TMCO5A: variants seen among roughly 807,000 people sequenced by gnomAD.
The protein encoded by TMCO5A is transmembrane and coiled-coil domains 5A.
In TMCO5A, 34 loss-of-function variants were observed where a neutral mutation model predicts 42.3. That is an observed-to-expected ratio of 0.80 (90% confidence interval 0.61 to 1.07). TMCO5A has a LOEUF of 1.07. TMCO5A is among the 50% of genes least tolerant of loss of function. The pLI, the probability that TMCO5A is intolerant of heterozygous loss-of-function variation, is 0.00. For synonymous variants in TMCO5A, 131 were observed against 115.6 expected, an observed-to-expected ratio of 1.13 and a Z score of -0.86; for missense variants, 357 against 327.9, an observed-to-expected ratio of 1.09 and a Z score of -0.69.
intron 11 of TMCO5A, among the ~76,000 whole-genome samples, chr15:37,963,796 T>C (rs111231523): frequency 5.3e-4 from 80 of 152,324 alleles, no homozygotes; most frequent in African/African-American, 1.9e-3. Context: ...CCTTTCGCCA[T>C]TATACAATGT....
the TMCO5A span, among the ~76,000 whole-genome samples, chr15:37,992,850 A>C: frequency 6.6e-6 from 1 of 152,118 alleles, no homozygotes; most frequent in African/African-American, 2.4e-5. Context: ...ACTACCTGAG[A>C]GTAGAGGATG....
In TMCO5A at chr15:37,938,212, G is replaced by A. The variant is rs1288181325; in HGVS notation, c.370G>A (p.Ala124Thr). 3.2e-6 allele frequency: 5 copies of A among 1,576,906 alleles called. No homozygotes were observed. Among genetic ancestry groups the A allele is most frequent in the African/African-American group, 1.4e-5 (1 of 71,480 alleles). ...TNCEQSSPDG[A>T]LEETKVKLQQ... is the part of the protein sequence containing the mutation. ...TTGTGAACAAAGCAGTCCAGATGGA[G>A]CCCTAGAAGAGACAAAGGTAAATGA... The change falls in exon 6 of 12, where the codon GCC becomes ACC. Residue 124 changes from alanine (A) to threonine (T), a missense_variant. By Grantham distance (58) the Ala-to-Thr change is moderately conservative (BLOSUM62 0). Transcript: ENST00000319669.
the TMCO5A span, among the ~76,000 whole-genome samples, chr15:37,972,839 A>G: frequency 6.6e-6 from 1 of 152,186 alleles, no homozygotes; most frequent in Non-Finnish European, 1.5e-5. Flanking sequence ...CAGCTTCATC[A>G]TGAAATCTTT....
chr15:38,007,676 A>G, the TMCO5A span, among the ~76,000 whole-genome samples: 1 of 152,118 alleles, frequency 6.6e-6, no homozygotes, highest in Non-Finnish European at 1.5e-5. Context: ...TAGGGAAATG[A>G]GTAAACAATA....
At chr15:38,023,888 T>C in the TMCO5A span, among the ~76,000 whole-genome samples, 64 of 152,208 alleles carry the variant, frequency 4.2e-4, no homozygotes, top group Admixed American at 3.1e-3. Context: ...TGTTCTCTCA[T>C]GTTACCACTC....
the TMCO5A span, among the ~76,000 whole-genome samples, chr15:38,019,423 G>A: frequency 6.6e-6 from 1 of 152,098 alleles, no homozygotes; most frequent in Non-Finnish European, 1.5e-5. Context: ...GGAAAATATA[G>A]GTCAGTTTAT....
chr15:38,013,819 A>G, the TMCO5A span, among the ~76,000 whole-genome samples: 1 of 152,336 alleles, frequency 6.6e-6, no homozygotes, highest in Non-Finnish European at 1.5e-5. Flanking sequence ...ACTTAAAACT[A>G]TATACAAATT....
chr15:37,967,359 G>A (rs1280266773), exon 12 of TMCO5A: 4 of 152,178 alleles, frequency 2.6e-5, no homozygotes, highest in Non-Finnish European at 1.5e-5. Flanking sequence ...CTGATATCAA[G>A]CAGGTCATAT....
At chr15:37,977,481 G>A in the TMCO5A span, among the ~76,000 whole-genome samples, 248 of 152,314 alleles carry the variant, frequency 1.6e-3, 4 homozygotes, top group East Asian at 0.026. Context: ...TATTAGCAAA[G>A]TATTTTTGGT....
the TMCO5A span, among the ~76,000 whole-genome samples, chr15:37,980,305 C>G: frequency 6.6e-6 from 1 of 152,178 alleles, no homozygotes; most frequent in African/African-American, 2.4e-5. Context: ...GCTGCAATAG[C>G]TGGTGCCAGG....
the TMCO5A span, among the ~76,000 whole-genome samples, chr15:38,023,958 A>G: frequency 6.6e-6 from 1 of 152,220 alleles, no homozygotes; most frequent in East Asian, 1.9e-4. Context: ...AAGATCTCAG[A>G]GCTTTTCCAG....
Position 37,937,379 on chromosome 15 carries a change from A to G in TMCO5A, c.298A>G (p.Thr100Ala). The change falls in exon 5 of 12, where the codon ACA becomes GCA. Residue 100 changes from threonine (T) to alanine (A), a missense_variant. By Grantham distance (58) the Thr-to-Ala change is moderately conservative. Coordinates refer to ENST00000319669, the MANE Select transcript of TMCO5A (RefSeq NM_152453.4). ...RKNKTLVHSI[T>A]ELQQKLTRKS... ...GAATAAGACGTTGGTCCACAGTATA[A>G]CAGAACTTCAACAAAAGGTGAGGTA... 1.2e-6 allele frequency: 2 copies of G among 1,613,160 alleles called. No individual in the cohort carries two copies. The highest frequency in any genetic ancestry group is 1.7e-6 in the Non-Finnish European group (2 of 1,179,386).
the TMCO5A span, among the ~76,000 whole-genome samples, chr15:38,038,460 A>G: frequency 1.3e-5 from 2 of 149,030 alleles, no homozygotes; most frequent in African/African-American, 2.5e-5. Flanking sequence ...GCTGGAGTGC[A>G]GTGGCTGCGA....
the TMCO5A span, chr15:37,994,819 T>C: frequency 1.3e-5 from 2 of 152,328 alleles, no homozygotes; most frequent in African/African-American, 2.4e-5. Flanking sequence ...GGGAAGGGAA[T>C]GTGTGAAGAC....
chr15:38,007,949 G>A, the TMCO5A span, among the ~76,000 whole-genome samples: 10 of 127,210 alleles, frequency 7.9e-5, no homozygotes, highest in East Asian at 4.9e-4. Flanking sequence ...AGGCTGGAGT[G>A]CAGTGGCACG....
the TMCO5A span, among the ~76,000 whole-genome samples, chr15:38,023,101 G>C: frequency 6.6e-6 from 1 of 152,000 alleles, no homozygotes; most frequent in Non-Finnish European, 1.5e-5. Flanking sequence ...TGTGCAAAAA[G>C]AATAAGAAAA....
intron 11 of TMCO5A, among the ~76,000 whole-genome samples, chr15:37,962,514 C>A (rs1890455308): frequency 2.0e-5 from 3 of 151,894 alleles, no homozygotes; most frequent in Admixed American, 2.0e-4. Context: ...TTGGTTGTGT[C>A]CTTTCCTGGT....
intron 11 of TMCO5A, among the ~76,000 whole-genome samples, chr15:37,956,487 C>A (rs1001358879): frequency 3.9e-5 from 6 of 152,152 alleles, no homozygotes; most frequent in African/African-American, 1.4e-4. Flanking sequence ...ACTAGAAAAT[C>A]TAGAAGAAAT....
the TMCO5A span, among the ~76,000 whole-genome samples, chr15:38,029,316 G>A: frequency 6.8e-6 from 1 of 147,900 alleles, no homozygotes; most frequent in Admixed American, 6.8e-5. Context: ...ACAAATACAG[G>A]CACACATACA....
Sources: allele counts gnomAD v4.1 joint callset (sites outside exome capture counted in the v4.1 genomes callset), GRCh38; gene constraint gnomAD v4.1.1; transcripts MANE v1.5; gene names NCBI Gene and HGNC (gene_info 2026-07-23, HGNC 2026-07-21).